RORA: variants seen among roughly 807,000 people sequenced by gnomAD.
The protein encoded by RORA is RAR related orphan receptor A.
In RORA, 7 loss-of-function variants were observed where a neutral mutation model predicts 69.5. The ratio of observed to expected loss-of-function variants is 0.10; its 90% CI spans 0.06 to 0.19. The LOEUF (loss-of-function observed/expected upper bound fraction) is 0.19, where lower values mean the gene tolerates loss of function less well. Among genes scored for constraint, RORA ranks in the 10% least tolerant of loss-of-function variants. The pLI, the probability that RORA is intolerant of heterozygous loss-of-function variation, is 1.00. For synonymous variants in RORA, 261 were observed against 240.8 expected (o/e 1.08, Z -0.78); for missense variants, 457 against 663.0 (o/e 0.69, Z 3.41).
At chr15:60,864,815 C>T (rs1247599512) in intron 1 of RORA, among the ~76,000 whole-genome samples, 1 of 152,154 alleles carries the variant, frequency 6.6e-6, no homozygotes, top group East Asian at 1.9e-4. Flanking sequence ...GGCCTTTGTG[C>T]TATGTGCTTT....
chr15:60,973,482 C>T (rs1202838296), intron 1 of RORA, among the ~76,000 whole-genome samples: 3 of 152,198 alleles, frequency 2.0e-5, no homozygotes, highest in Admixed American at 1.3e-4. Flanking sequence ...GAGCAGCCTT[C>T]GCCCAGTGCT....
At chr15:61,224,273 G>C (rs754698065) in intron 1 of RORA, among the ~76,000 whole-genome samples, 1 of 152,240 alleles carries the variant, frequency 6.6e-6, no homozygotes, top group Non-Finnish European at 1.5e-5. Context: ...GCTCATGGGA[G>C]ACAATGAATG....
intron 2 of RORA, among the ~76,000 whole-genome samples, chr15:60,557,785 C>G (rs565826128): frequency 6.6e-6 from 1 of 152,244 alleles, no homozygotes; most frequent in South Asian, 2.1e-4. Flanking sequence ...TGAATCTCAG[C>G]TGATTAGAGC....
intron 1 of RORA, among the ~76,000 whole-genome samples, chr15:60,751,590 C>A (rs1301203554): frequency 6.6e-6 from 1 of 152,128 alleles, no homozygotes; most frequent in Non-Finnish European, 1.5e-5. Flanking sequence ...AGGTCCTGGG[C>A]AGCTGAGTGG....
chr15:60,573,320 A>G (rs2067934862), intron 2 of RORA, among the ~76,000 whole-genome samples: 1 of 152,228 alleles, frequency 6.6e-6, no homozygotes, highest in South Asian at 2.1e-4. Flanking sequence ...AATCCATTGA[A>G]GACTCGTGGC....
intron 1 of RORA, among the ~76,000 whole-genome samples, chr15:60,977,572 A>G (rs1049437231): frequency 1.3e-5 from 2 of 152,186 alleles, no homozygotes; most frequent in African/African-American, 4.8e-5. Flanking sequence ...ATTCCAGAAC[A>G]TGACCCCAAA....
chr15:60,932,684 T>C (rs1892409282), intron 1 of RORA, among the ~76,000 whole-genome samples: 1 of 152,180 alleles, frequency 6.6e-6, no homozygotes, highest in East Asian at 1.9e-4. Flanking sequence ...CCACAGCTCC[T>C]GCAAATGACT....
At chr15:60,573,176 T>G (rs1267422114) in intron 2 of RORA, among the ~76,000 whole-genome samples, 1 of 152,234 alleles carries the variant, frequency 6.6e-6, no homozygotes, top group African/African-American at 2.4e-5. Flanking sequence ...GTAAGCAGCA[T>G]GATTGAACCG....
At chr15:60,888,670 C>T (rs777782271) in intron 1 of RORA, among the ~76,000 whole-genome samples, 9 of 152,234 alleles carry the variant, frequency 5.9e-5, no homozygotes, top group Non-Finnish European at 7.3e-5. Flanking sequence ...CTTCACCCCA[C>T]GGCTCTTTCA....
intron 1 of RORA, among the ~76,000 whole-genome samples, chr15:61,101,311 CA>C (rs1045581522): frequency 6.6e-5 from 10 of 151,918 alleles, no homozygotes; most frequent in African/African-American, 2.4e-4. Flanking sequence ...GAAATTGTAA[CA>C]AAGTAAATGG....
intron 2 of RORA, among the ~76,000 whole-genome samples, chr15:60,651,839 T>C (rs542700652): frequency 2.4e-4 from 37 of 152,358 alleles, no homozygotes; most frequent in African/African-American, 8.9e-4. Flanking sequence ...TAGGTTTATG[T>C]GGGGAACCAT....
chr15:60,629,020 C>G (rs113035699), intron 2 of RORA, among the ~76,000 whole-genome samples: 1 of 151,936 alleles, frequency 6.6e-6, no homozygotes, highest in East Asian at 1.9e-4. Context: ...TATTTCTACC[C>G]CTCTTCTCTC....
chr15:61,177,634 A>G (rs1202074092), intron 1 of RORA, among the ~76,000 whole-genome samples: 1 of 152,052 alleles, frequency 6.6e-6, no homozygotes, highest in Non-Finnish European at 1.5e-5. Flanking sequence ...TATAATAAGA[A>G]TAAAAATAAA....
chr15:60,534,873 C>G lies in RORA; in HGVS notation c.197-3022G>C, dbSNP rs886590277. On this transcript the variant is annotated intron_variant, in intron 2 of 10. Coordinates refer to ENST00000335670, the MANE Select transcript of RORA (RefSeq NM_134261.3). This position sits in a 1 kb window ranked among gnomAD's most constrained non-coding sequence, Gnocchi z 5.0. ...ACCCAACAATGCACAAAAGCCCTCT[C>G]CATCCCCCATTTTAGTCAATTTCCA... Among the ~76,000 whole-genome samples the G allele has an allele frequency of 1.9e-4, 29 of 152,272 alleles. No individual in the cohort carries two copies. The highest frequency in any genetic ancestry group is 7.0e-4 in the African/African-American group (29 of 41,556).
intron 1 of RORA, among the ~76,000 whole-genome samples, chr15:60,998,684 C>G (rs1351253155): frequency 1.3e-5 from 2 of 150,074 alleles, no homozygotes; most frequent in Non-Finnish European, 3.0e-5. Flanking sequence ...CAGGCGTGAG[C>G]CACCGCACCC....
At chr15:61,164,337 T>C (rs2079523360) in intron 1 of RORA, among the ~76,000 whole-genome samples, 1 of 152,222 alleles carries the variant, frequency 6.6e-6, no homozygotes, top group Admixed American at 6.5e-5. Flanking sequence ...AAGACCACTC[T>C]ACTCCAGGCT....
chr15:61,157,154 G>C (rs1404199581), intron 1 of RORA, among the ~76,000 whole-genome samples: 1 of 152,118 alleles, frequency 6.6e-6, no homozygotes, highest in Non-Finnish European at 1.5e-5. Context: ...GATGAAAAAA[G>C]AATGACCAAA....
chr15:60,982,624 C>G (rs542171496), intron 1 of RORA, among the ~76,000 whole-genome samples: 36 of 152,264 alleles, frequency 2.4e-4, no homozygotes, highest in South Asian at 1.9e-3. Context: ...CCCTCATATG[C>G]CTGCACTGGG....
intron 1 of RORA, among the ~76,000 whole-genome samples, chr15:60,839,223 C>T (rs766569074): frequency 3.3e-5 from 5 of 152,082 alleles, no homozygotes; most frequent in East Asian, 1.9e-4. Context: ...TAAGTGCTTA[C>T]GTGTCAGGCA....
Sources: allele counts gnomAD v4.1 joint callset (sites outside exome capture counted in the v4.1 genomes callset), GRCh38; gene constraint gnomAD v4.1.1; non-coding constraint Gnocchi (gnomAD v3.1); transcripts MANE v1.5; gene names NCBI Gene and HGNC (gene_info 2026-07-23, HGNC 2026-07-21).